The following PIAS4 variants were observed in gnomAD, a reference collection of about 807,000 sequenced individuals.
PIAS4 encodes E3 SUMO-protein ligase PIAS4.
PIAS4 carries 7 observed loss-of-function variants against 58.0 expected under a neutral mutation model. The observed-to-expected ratio is 0.12, with a 90% CI of 0.07 to 0.23. The LOEUF is 0.23. Among genes scored for constraint, PIAS4 ranks in the 10% least tolerant of loss-of-function variants. The probability of loss-of-function intolerance (pLI) is 1.00; values close to 1 mark genes in which losing one functional copy is unlikely to be tolerated. For synonymous variants in PIAS4, 364 were observed against 312.4 expected, an observed-to-expected ratio of 1.17 and a Z score of -1.74; for missense variants, 550 against 709.5, an observed-to-expected ratio of 0.78 and a Z score of 2.55.
In PIAS4 at chr19:4,013,265, G is replaced by C. The variant is rs111928159; in HGVS notation, c.370G>C (p.Ala124Pro). The change falls in exon 2 of 11, where the codon GCC (alanine) becomes CCC (proline). Residue 124 changes from alanine (A) to proline (P), a missense_variant. Around this residue, in one of 4 missense-constraint regions of PIAS4, gnomAD observed 95 missense variants for 87.5 expected, o/e 1.09. Transcript: ENST00000262971. This position sits in a 1 kb window ranked among gnomAD's most constrained non-coding sequence, Gnocchi z 5.1. ...CTTAAACGGACTGGGACGGTTGCCC[G>C]CCAAGACCCTCAAGCCAGAAGTCCG... is the stretch of plus-strand genomic sequence containing the variant. ...KYLNGLGRLP[A>P]KTLKPEVRLV... 57 of 1,613,178 alleles carry C rather than the reference G, an allele frequency of 3.5e-5. No individual in the cohort carries two copies. Among genetic ancestry groups the C allele is most frequent in the Non-Finnish European group, 4.7e-5 (55 of 1,180,000 alleles).
chr19:4,011,658 TGGTGTGGA>T (rs2039993683), intron 1 of PIAS4, among the ~76,000 whole-genome samples: 2 of 114,770 alleles, frequency 1.7e-5, no homozygotes, highest in African/African-American at 3.5e-5. Context: ...GAGGTGTGTT[TGGTGTGGA>T]GGTGTGGGGG....
In PIAS4 at chr19:4,013,411, C is replaced by T. The variant is rs1183722204; in HGVS notation, c.454+62C>T. On this transcript the variant is annotated intron_variant, in intron 2 of 10. Transcript: ENST00000262971. This position sits in a 1 kb window ranked among gnomAD's most constrained non-coding sequence, Gnocchi z 5.1. The stretch of plus-strand genomic sequence containing the variant: ...TTCACCTAGGCCCCGTCGCCCAGCC[C>T]AGCCCAGCCACACAGCCGACTTCGA... The T allele has an allele frequency of 1.3e-5, 19 of 1,444,636 alleles. No homozygotes were observed. Among genetic ancestry groups the T allele is most frequent in the Non-Finnish European group, 1.8e-5 (19 of 1,051,948 alleles). 89.5% of individuals were successfully genotyped at this position (1,444,636 alleles called of 1,614,324 possible).
At chr19:4,033,384 G>A in intron 8 of PIAS4, 36 bp from the exon 9 acceptor site, 1 of 1,535,062 alleles carries the variant, frequency 6.5e-7, no homozygotes, top group South Asian at 1.2e-5. Flanking sequence ...GGCACAACAG[G>A]AGGGGTGCCC....
chr19:4,008,557 C>G (rs1286889527), intron 1 of PIAS4, among the ~76,000 whole-genome samples: 3 of 152,168 alleles, frequency 2.0e-5, no homozygotes, highest in African/African-American at 7.2e-5. Flanking sequence ...TCGGACCACT[C>G]TTCTTGGTCA....
intron 1 of PIAS4, among the ~76,000 whole-genome samples, chr19:4,009,016 G>A (rs112528029): frequency 2.2e-4 from 33 of 152,246 alleles, no homozygotes; most frequent in African/African-American, 7.7e-4. Context: ...CTGGGATTGA[G>A]CTCAGAGTAT....
rs1005236819 is a variant in PIAS4, at chr19:4,038,403, C to T, written c.*528C>T. ...AGACCCTCACGCGCCGAGCAGCGAG[C>T]GTTTTAGCCGAGAAGCCATGGAGTG... On this transcript the variant is annotated 3_prime_UTR_variant, in exon 11 of 11. Coordinates refer to ENST00000262971, the MANE Select transcript of PIAS4 (RefSeq NM_015897.4). The surrounding 1 kb of genome is among the most constrained non-coding windows in gnomAD (Gnocchi z 4.1). 7.8e-6 allele frequency: 1 copy of T among 128,424 alleles called. No homozygotes were observed. Among genetic ancestry groups the T allele is most frequent in the African/African-American group, 2.9e-5 (1 of 34,740 alleles). 8.0% of individuals were successfully genotyped at this position (128,424 alleles called of 1,614,324 possible). A position where few individuals can be genotyped will look rare whatever the true frequency, so the allele number is the denominator to read the frequency against.
At chr19:4,032,206 G>C (rs1008991471) in intron 7 of PIAS4, among the ~76,000 whole-genome samples, 1 of 152,096 alleles carries the variant, frequency 6.6e-6, no homozygotes, top group Non-Finnish European at 1.5e-5. Flanking sequence ...CAGCTGGGGG[G>C]AGTGGGGGGG....
chr19:4,025,799 C>T lies in PIAS4; in HGVS notation c.539+1679C>T, dbSNP rs145236496. Among the ~76,000 whole-genome samples the T allele has an allele frequency of 2.3e-4, 35 of 152,254 alleles. No individual in the cohort carries two copies. The East Asian group carries it at 6.4e-3, about 28-fold the overall frequency. Reference sequence around the variant, plus strand: ...TATAAAAAAATCAGTTTGGGCTGGGCACGGTGGCTCACAACTGTAATCGCA... The same window carrying T: ...TATAAAAAAATCAGTTTGGGCTGGGTACGGTGGCTCACAACTGTAATCGCA... On this transcript the variant is annotated intron_variant, in intron 3 of 10. Transcript: ENST00000262971.
chr19:4,028,907 C>CT lies in PIAS4; in HGVS notation c.802-23dup, dbSNP rs2040195884. On this transcript the variant is annotated intron_variant, in intron 6 of 10. Coordinates refer to ENST00000262971, the MANE Select transcript of PIAS4 (RefSeq NM_015897.4). ...CAACCCCGGCCCCGTCCTGCCAGCC[C>CT]TGACCCCTTCCTTCTGTCCCCAGAG... 1.9e-6 allele frequency: 3 copies of CT among 1,612,032 alleles called. No individual in the cohort carries two copies. In the South Asian group the frequency reaches 3.3e-5, roughly 18 times the overall value.
chr19:4,038,009 G>A lies in PIAS4; in HGVS notation c.*134G>A. On this transcript the variant is annotated 3_prime_UTR_variant, in exon 11 of 11. Transcript: ENST00000262971. This position sits in a 1 kb window ranked among gnomAD's most constrained non-coding sequence, Gnocchi z 4.1. Reference sequence around the variant, plus strand: ...TTTTGTTTTTCCACCCTTTTGCCTGGCTCCTGGCACCTGTACCTCTGGACT... The same window carrying A: ...TTTTGTTTTTCCACCCTTTTGCCTGACTCCTGGCACCTGTACCTCTGGACT... 1 of 897,196 alleles carries A rather than the reference G, an allele frequency of 1.1e-6. No homozygotes were observed. Among genetic ancestry groups the A allele is most frequent in the Non-Finnish European group, 1.7e-6 (1 of 600,824 alleles). 55.6% of individuals were successfully genotyped at this position (897,196 alleles called of 1,614,324 possible).
chr19:4,017,047 G>T (rs2040059570), intron 2 of PIAS4, among the ~76,000 whole-genome samples: 1 of 152,172 alleles, frequency 6.6e-6, no homozygotes, highest in Non-Finnish European at 1.5e-5. Flanking sequence ...CCCACCATCT[G>T]TCCGTCTGCA....
intron 9 of PIAS4, among the ~76,000 whole-genome samples, chr19:4,035,215 C>T (rs1379639825): frequency 6.6e-6 from 1 of 152,038 alleles, no homozygotes; most frequent in East Asian, 1.9e-4. Context: ...CAGAGTGGGA[C>T]GAGGGCTCTC....
chr19:4,023,352 C>T (rs1041306822), intron 2 of PIAS4, among the ~76,000 whole-genome samples: 2 of 151,350 alleles, frequency 1.3e-5, no homozygotes, highest in Non-Finnish European at 2.9e-5. Context: ...GGTGGCTATT[C>T]GGGAGGTTGA....
At chr19:4,024,239 A>G in intron 3 of PIAS4, 119 bp downstream of exon 3, 1 of 755,034 alleles carries the variant, frequency 1.3e-6, no homozygotes, top group Non-Finnish European at 2.3e-6. Flanking sequence ...TCAGTCCAGA[A>G]CCGTGCTGCA....
chr19:4,008,920 G>T (rs2039968312), intron 1 of PIAS4, among the ~76,000 whole-genome samples: 1 of 152,088 alleles, frequency 6.6e-6, no homozygotes, highest in Admixed American at 6.5e-5. Flanking sequence ...AACAACTGTT[G>T]CTGCTGCTCT....
At chr19:4,032,957 C>G in intron 7 of PIAS4, 143 bp from the exon 8 acceptor site, 1 of 668,686 alleles carries the variant, frequency 1.5e-6, no homozygotes, top group Middle Eastern at 2.5e-4. Flanking sequence ...CCTCACGGCC[C>G]CGAGCCACAC....
intron 1 of PIAS4, among the ~76,000 whole-genome samples, chr19:4,010,752 T>G (rs2039985049): frequency 6.6e-6 from 1 of 152,234 alleles, no homozygotes; most frequent in South Asian, 2.1e-4. Flanking sequence ...ATGGGTGTCC[T>G]CATTGTGAAA....
intron 8 of PIAS4, 69 bp downstream of exon 8, chr19:4,033,242 G>GC (rs2040240149): frequency 2.6e-6 from 4 of 1,514,190 alleles, no homozygotes; most frequent in African/African-American, 1.4e-5. Context: ...GCGGCCCTGG[G>GC]CCCGGGGCGG....
chr19:4,030,168 G>T (rs1431494811), intron 7 of PIAS4, among the ~76,000 whole-genome samples: 1 of 149,788 alleles, frequency 6.7e-6, no homozygotes, highest in Non-Finnish European at 1.5e-5. Flanking sequence ...TTGCTGTGTT[G>T]CCCAGGCTGG....
Sources: gnomAD v4.1 joint callset for allele counts (sites outside exome capture counted in the v4.1 genomes callset) on GRCh38, gnomAD v4.1.1 for gene constraint, gnomAD v4.1.1 regional missense constraint, Gnocchi (gnomAD v3.1) non-coding constraint, MANE v1.5 for transcripts, NCBI Gene and HGNC (gene_info 2026-07-23, HGNC 2026-07-21) for gene names.